Variants in SPA17 observed in about 807,000 individuals in gnomAD.
The protein encoded by SPA17 is sperm autoantigenic protein 17, also known as sperm surface protein Sp17.
A neutral mutation model predicts 13.8 loss-of-function variants in SPA17; 7 were observed. That is an observed-to-expected ratio of 0.51 (90% CI 0.29 to 0.95). The LOEUF (loss-of-function observed/expected upper bound fraction) is 0.95. SPA17 is among the 40% of genes least tolerant of loss of function. The pLI, the probability that SPA17 is intolerant of heterozygous loss-of-function variation, is 0.08. For synonymous variants in SPA17, 61 were observed against 59.0 expected (o/e 1.03, Z -0.16); for missense variants, 170 against 179.3 (o/e 0.95, Z 0.30).
At chr11:124,677,379 ATT>A (rs1481961867) in intron 2 of SPA17, among the ~76,000 whole-genome samples, 1 of 152,186 alleles carries the variant, frequency 6.6e-6, no homozygotes, top group Non-Finnish European at 1.5e-5. Flanking sequence ...TTAGTATATG[ATT>A]TAAATGGTAT....
At chr11:124,674,124 A>G (rs1943423715) in intron 1 of SPA17, 172 bp downstream of exon 1, 1 of 212,276 alleles carries the variant, frequency 4.7e-6, no homozygotes, top group Admixed American at 5.4e-5. Context: ...CCCGCCCCCG[A>G]CTAGACCCGT....
chr11:124,692,366 G>A (rs548487407), intron 4 of SPA17, among the ~76,000 whole-genome samples: 3 of 152,190 alleles, frequency 2.0e-5, no homozygotes, highest in Admixed American at 2.0e-4. Flanking sequence ...AGATCACGAG[G>A]TCAGGAGATT....
Position 124,695,898 on chromosome 11 carries a change from C to T in SPA17, c.*1452C>T, listed in dbSNP as rs752777206. 12 of 152,250 alleles carry T rather than the reference C, an allele frequency of 7.9e-5. No individual in the cohort carries two copies. The highest frequency in any genetic ancestry group is 1.8e-4 in the Non-Finnish European group (12 of 68,072). 9.4% of individuals were successfully genotyped at this position (152,250 alleles called of 1,614,324 possible). On this transcript the variant is annotated 3_prime_UTR_variant, in exon 5 of 5. Transcript: ENST00000227135. ...TCCTTGTCCTAGGCTTAGACATGCT[C>T]TTTCTGCAAAGCAGTTTTATTTCAG...
Position 124,697,198 on chromosome 11 carries a change from A to C in SPA17, c.*2752A>C, listed in dbSNP as rs1943681150. The stretch of plus-strand genomic sequence containing the variant: ...CCAGTGATTATCTCACTACTACTGC[A>C]CAACCCATTCCAAAGTTAGTGGTTT... On this transcript the variant is annotated 3_prime_UTR_variant, in exon 5 of 5. Coordinates refer to ENST00000227135, the MANE Select transcript of SPA17 (RefSeq NM_017425.4). 1 of 152,250 alleles carries C rather than the reference A, an allele frequency of 6.6e-6. No homozygotes were observed. Among genetic ancestry groups the C allele is most frequent in the Non-Finnish European group, 1.5e-5 (1 of 68,060 alleles). The allele number at this position is 152,250 out of a possible 1,614,324, so 9.4% of individuals were successfully genotyped here. A position where few individuals can be genotyped will look rare whatever the true frequency, so the allele number is the denominator to read the frequency against.
At chr11:124,681,199 G>A (rs888473018) in intron 2 of SPA17, among the ~76,000 whole-genome samples, 190 bp from the exon 3 acceptor site, 1 of 152,072 alleles carries the variant, frequency 6.6e-6, no homozygotes, top group Non-Finnish European at 1.5e-5. Flanking sequence ...CCAATGTTCA[G>A]TTGGTTATCA....
At position 124,689,192 on chromosome 11, in the gene SPA17, C is replaced by T. The variant is rs150269469; in HGVS notation, c.226-2504C>T. ...ATGGATTAAAGACTTAAACATAAGA[C>T]CTAAAACTGTAAAAATACTAGAAGA... On this transcript the variant is annotated intron_variant, in intron 3 of 4. Transcript: ENST00000227135. Among the ~76,000 whole-genome samples the T allele has an allele frequency of 3.7e-3, 564 of 152,168 alleles. 9 individuals carry two copies. Among genetic ancestry groups the T allele is most frequent in the Admixed American group, 0.035 (532 of 15,282 alleles).
intron 3 of SPA17, 110 bp downstream of exon 3, chr11:124,681,569 A>G: frequency 2.0e-6 from 1 of 495,516 alleles, no homozygotes; most frequent in Non-Finnish European, 3.3e-6. Context: ...GGCATCACAA[A>G]TAACTTATTA....
chr11:124,693,850 T>G (rs1371952140), intron 4 of SPA17, among the ~76,000 whole-genome samples: 2 of 152,192 alleles, frequency 1.3e-5, no homozygotes, highest in Admixed American at 1.3e-4. Context: ...GCACCTCACT[T>G]TAAATGTATG....
At chr11:124,678,548 GT>G (rs920494342) in intron 2 of SPA17, among the ~76,000 whole-genome samples, 11 of 150,072 alleles carry the variant, frequency 7.3e-5, no homozygotes, top group African/African-American at 2.8e-4. Flanking sequence ...GTGTGTGTGT[GT>G]TTGTGTGTGT....
At chr11:124,681,595 A>T in intron 3 of SPA17, 136 bp downstream of exon 3, 3 of 311,604 alleles carry the variant, frequency 9.6e-6, no homozygotes, top group Non-Finnish European at 1.7e-5. Context: ...TATTAAATTA[A>T]AATTTAATAA....
At position 124,691,362 on chromosome 11, in the gene SPA17, T is replaced by C. The variant is rs371562428; in HGVS notation, c.226-334T>C. Among the ~76,000 whole-genome samples, 7 of 152,306 alleles carry C rather than the reference T, an allele frequency of 4.6e-5. No homozygotes were observed. In the East Asian group the frequency reaches 7.7e-4, roughly 17 times the overall value. ...ATTGGATCCTCTTTTTTATACTTTG[T>C]TCAGGATTCATTACATCATCTTATC... On this transcript the variant is annotated intron_variant, in intron 3 of 4. Coordinates refer to ENST00000227135, the MANE Select transcript of SPA17 (RefSeq NM_017425.4).
chr11:124,678,533 T>C (rs1335585413), intron 2 of SPA17, among the ~76,000 whole-genome samples: 3 of 151,732 alleles, frequency 2.0e-5, no homozygotes, highest in East Asian at 3.9e-4. Context: ...TGTGTGTGTG[T>C]GTGTGTGTGT....
At chr11:124,690,185 A>T (rs1759949563) in intron 3 of SPA17, among the ~76,000 whole-genome samples, 1 of 152,246 alleles carries the variant, frequency 6.6e-6, no homozygotes, top group Non-Finnish European at 1.5e-5. Flanking sequence ...AGCACCATTC[A>T]CAATAGCAAA....
intron 1 of SPA17, 149 bp downstream of exon 1, chr11:124,674,101 A>G: frequency 4.2e-6 from 1 of 238,026 alleles, no homozygotes; most frequent in Middle Eastern, 1.7e-3. Flanking sequence ...CTGAAATCCC[A>G]GGTCCTCAAC....
intron 3 of SPA17, among the ~76,000 whole-genome samples, chr11:124,689,581 C>T (rs925621468): frequency 1.3e-5 from 2 of 151,964 alleles, no homozygotes; most frequent in African/African-American, 4.8e-5. Flanking sequence ...AGCCCAGGAG[C>T]TTGACATTAG....
intron 3 of SPA17, among the ~76,000 whole-genome samples, chr11:124,684,448 C>T (rs974996626): frequency 1.6e-4 from 24 of 152,148 alleles, no homozygotes; most frequent in East Asian, 1.9e-4. Context: ...TTTGTATTTT[C>T]GCCATGTTGG....
intron 3 of SPA17, among the ~76,000 whole-genome samples, chr11:124,686,982 G>A (rs1943583804): frequency 6.6e-6 from 1 of 151,876 alleles, no homozygotes; most frequent in African/African-American, 2.4e-5. Flanking sequence ...ACAATACAAA[G>A]GATTAACAAA....
At chr11:124,692,257 C>T (rs1245414002) in intron 4 of SPA17, among the ~76,000 whole-genome samples, 4 of 152,156 alleles carry the variant, frequency 2.6e-5, no homozygotes, top group Non-Finnish European at 5.9e-5. Context: ...AAAATGCCTT[C>T]GTGCCTGATG....
chr11:124,684,760 G>A (rs147511016), intron 3 of SPA17, among the ~76,000 whole-genome samples: 6,277 of 152,264 alleles, frequency 0.041, 404 homozygotes, highest in African/African-American at 0.14. Flanking sequence ...GGACAACAAA[G>A]TCCAGGCTAA....
Sources: allele counts gnomAD v4.1 joint callset (sites outside exome capture counted in the v4.1 genomes callset), GRCh38; gene constraint gnomAD v4.1.1; transcripts MANE v1.5; gene names NCBI Gene and HGNC (gene_info 2026-07-23, HGNC 2026-07-21).